The following NRXN3 variants were observed in gnomAD, a reference collection of about 807,000 sequenced individuals.
NRXN3 encodes the protein neurexin 3.
NRXN3 carries 32 observed loss-of-function variants against 137.6 expected under a neutral mutation model. That is an observed-to-expected ratio of 0.23 (90% CI 0.18 to 0.31). The LOEUF (loss-of-function observed/expected upper bound fraction) is 0.31. Among genes scored for constraint, NRXN3 ranks in the 10% least tolerant of loss-of-function variants. The pLI is 1.00. For synonymous variants in NRXN3, 798 were observed against 784.5 expected (o/e 1.02, Z -0.29); for missense variants, 1,574 against 2,062.5 (o/e 0.76, Z 4.59).
chr14:78,391,634 T>C (rs2090788033), intron 4 of NRXN3, among the ~76,000 whole-genome samples: 1 of 152,180 alleles, frequency 6.6e-6, no homozygotes, highest in Non-Finnish European at 1.5e-5. Context: ...CTGTAACTAG[T>C]CAGGGCTCCA....
chr14:78,947,523 G>T (rs993292621), intron 10 of NRXN3, among the ~76,000 whole-genome samples: 1 of 152,162 alleles, frequency 6.6e-6, no homozygotes, highest in African/African-American at 2.4e-5. Context: ...ATATCACTTA[G>T]CTTCTTACTT....
At chr14:78,200,192 G>A (rs1389162579) in intron 1 of NRXN3, among the ~76,000 whole-genome samples, 3 of 152,196 alleles carry the variant, frequency 2.0e-5, no homozygotes, top group Admixed American at 2.0e-4. Context: ...AGTGGCAGGC[G>A]ATCTTGGGAA....
At chr14:78,473,150 C>A (rs1192801914) in intron 4 of NRXN3, among the ~76,000 whole-genome samples, 1 of 152,010 alleles carries the variant, frequency 6.6e-6, no homozygotes, top group Non-Finnish European at 1.5e-5. Context: ...AGCCTGTAAT[C>A]CCAGCACTTT....
At chr14:79,325,304 A>G (rs1444105421) in intron 15 of NRXN3, among the ~76,000 whole-genome samples, 1 of 152,182 alleles carries the variant, frequency 6.6e-6, no homozygotes, top group African/African-American at 2.4e-5. Context: ...AAGCTAAGAA[A>G]AACATTGTGC....
At chr14:79,443,076 C>T (rs567753884) in intron 15 of NRXN3, among the ~76,000 whole-genome samples, 1 of 152,294 alleles carries the variant, frequency 6.6e-6, no homozygotes, top group East Asian at 1.9e-4. Context: ...TTATTGCAGC[C>T]TGGTCTTGTC....
At position 78,966,190 on chromosome 14, in the gene NRXN3, T is replaced by C. The variant is rs2099417035; in HGVS notation, c.2561T>C (p.Ile854Thr). Residue 854 changes from isoleucine to threonine, a missense_variant, in exon 12 of 21, where the codon ATT becomes ACT. Ile to Thr is a moderately conservative substitution (Grantham distance 89). Coordinates refer to ENST00000335750, the MANE Select transcript of NRXN3 (RefSeq NM_001330195.2). ...LYIDLCKNGD[I>T]DYCELKARFG... ...ATTGACTTGTGCAAAAATGGTGACA[T>C]TGATTATTGTGAGCTGAAGGCTCGT... 7 of 1,614,090 alleles carry C rather than the reference T, an allele frequency of 4.3e-6. No individual in the cohort carries two copies. The highest frequency in any genetic ancestry group is 2.2e-5 in the East Asian group (1 of 44,888).
intron 15 of NRXN3, among the ~76,000 whole-genome samples, chr14:79,026,943 T>C (rs1415983832): frequency 3.2e-5 from 3 of 93,076 alleles, no homozygotes; most frequent in Non-Finnish European, 4.4e-5. Context: ...ATATAACTAT[T>C]ATAATTTTAT....
intron 15 of NRXN3, among the ~76,000 whole-genome samples, chr14:79,153,200 C>CCTAA (rs112625490): frequency 1.3e-5 from 2 of 151,690 alleles, no homozygotes; most frequent in African/African-American, 4.8e-5. Flanking sequence ...CCTGTATCAG[C>CCTAA]CTAACTGCAA....
chr14:78,192,116 G>GA (rs2060806936), intron 1 of NRXN3, among the ~76,000 whole-genome samples: 1 of 150,490 alleles, frequency 6.6e-6, no homozygotes, highest in Non-Finnish European at 1.5e-5. Context: ...GTGAGAGAGA[G>GA]AGCATACATG....
At chr14:78,862,477 T>C (rs1567544521) in intron 10 of NRXN3, among the ~76,000 whole-genome samples, 1 of 152,094 alleles carries the variant, frequency 6.6e-6, no homozygotes, top group Non-Finnish European at 1.5e-5. Context: ...TAAGATTTTT[T>C]AGGATTACAG....
chr14:78,992,652 C>T (rs891922969), intron 15 of NRXN3, among the ~76,000 whole-genome samples: 1 of 152,182 alleles, frequency 6.6e-6, no homozygotes, highest in East Asian at 1.9e-4. Flanking sequence ...CTCCTGCATG[C>T]ACCCACACAT....
At chr14:78,727,736 CAA>C (rs140064754) in intron 8 of NRXN3, among the ~76,000 whole-genome samples, 1 of 150,680 alleles carries the variant, frequency 6.6e-6, no homozygotes, top group African/African-American at 2.4e-5. Context: ...AACTCCGTCT[CAA>C]AAAAAAATGC....
intron 4 of NRXN3, among the ~76,000 whole-genome samples, chr14:78,301,177 T>C (rs2076841832): frequency 6.6e-6 from 1 of 152,126 alleles, no homozygotes; most frequent in Non-Finnish European, 1.5e-5. Flanking sequence ...TATTTATTTC[T>C]CTTTTTTTCC....
intron 2 of NRXN3, among the ~76,000 whole-genome samples, chr14:78,276,238 G>T (rs531375845): frequency 6.6e-6 from 1 of 152,280 alleles, no homozygotes; most frequent in African/African-American, 2.4e-5. Context: ...GAAAACAAAA[G>T]AAATAAGGAT....
intron 15 of NRXN3, among the ~76,000 whole-genome samples, chr14:79,200,814 C>T (rs1243303913): frequency 2.2e-5 from 3 of 138,742 alleles, no homozygotes; most frequent in African/African-American, 5.3e-5. Flanking sequence ...CCCTATTGCT[C>T]TCCTGTGAGC....
intron 10 of NRXN3, among the ~76,000 whole-genome samples, chr14:78,863,955 T>A (rs896628104): frequency 2.0e-5 from 3 of 152,144 alleles, no homozygotes; most frequent in African/African-American, 7.2e-5. Context: ...TAGTTTAACC[T>A]TAGTAGATGA....
chr14:79,030,776 A>G (rs1270872128), intron 15 of NRXN3, among the ~76,000 whole-genome samples: 3 of 150,490 alleles, frequency 2.0e-5, no homozygotes, highest in African/African-American at 4.9e-5. Flanking sequence ...GCTATTATCA[A>G]TATCTTACTA....
chr14:79,493,443 T>G (rs2096736401), intron 16 of NRXN3, among the ~76,000 whole-genome samples: 1 of 152,216 alleles, frequency 6.6e-6, no homozygotes. Context: ...CCTTGATAGA[T>G]GCATCCTGGA....
rs555336475 is a variant in NRXN3 at position 79,554,386 on chromosome 14, G to C, written c.3444+86984G>C. Among the ~76,000 whole-genome samples the C allele has an allele frequency of 8.5e-4, 129 of 152,264 alleles. 1 individual carries two copies. The highest frequency in any genetic ancestry group is 3.4e-3 in the Middle Eastern group (1 of 294). ...TTTCATGTGCTTTTAGTTCTTCATTGAGCATGACATACTTCAAATACTCAA... is the reference window on the plus strand; with the variant it reads ...TTTCATGTGCTTTTAGTTCTTCATTCAGCATGACATACTTCAAATACTCAA... On this transcript the variant is annotated intron_variant, in intron 16 of 20. Coordinates refer to ENST00000335750, the MANE Select transcript of NRXN3 (RefSeq NM_001330195.2).
Sources: gnomAD v4.1 joint callset for allele counts (sites outside exome capture counted in the v4.1 genomes callset) on GRCh38, gnomAD v4.1.1 for gene constraint, MANE v1.5 for transcripts, NCBI Gene and HGNC (gene_info 2026-07-23, HGNC 2026-07-21) for gene names.